FUNDC2: variants seen among roughly 807,000 people sequenced by gnomAD.
FUNDC2 encodes FUN14 domain containing 2.
Under a neutral mutation model 15.6 loss-of-function variants are expected in FUNDC2, and 4 were observed. The observed-to-expected ratio is 0.26, with a 90% CI of 0.13 to 0.59. The LOEUF (loss-of-function observed/expected upper bound fraction) is 0.59, where lower values mean the gene tolerates loss of function less well. FUNDC2 is among the 20% of genes least tolerant of loss of function. The probability of loss-of-function intolerance (pLI) is 0.90; values close to 1 mark genes in which losing one functional copy is unlikely to be tolerated. For missense variants in FUNDC2, 98 were observed against 149.7 expected (o/e 0.65, Z 1.80); for synonymous variants, 44 against 56.9 (o/e 0.77, Z 1.02).
chrX:155,027,924 A>G (rs2073800252), intron 1 of FUNDC2, among the ~76,000 whole-genome samples: 1 of 111,880 alleles, frequency 8.9e-6, no homozygotes, highest in Admixed American at 9.4e-5. Flanking sequence ...AATTGGCTAC[A>G]CTACAAATCA....
chrX:155,057,073 C>G lies in FUNDC2; in HGVS notation c.*2401C>G, dbSNP rs1423247163. 2.0e-5 allele frequency: 2 copies of G among 99,733 alleles called. No homozygotes were observed. The highest frequency in any genetic ancestry group is 5.7e-4 in the East Asian group (2 of 3,489). The allele number at this position is 99,733 out of a possible 1,213,427, so 8.2% of individuals were successfully genotyped here. A position where few individuals can be genotyped will look rare whatever the true frequency, so the allele number is the denominator to read the frequency against. ...TATGAGAACGGCTGTGAGTTCTGCC[C>G]ACGGTGTGAGGCCACTGTGACCACT... On this transcript the variant is annotated 3_prime_UTR_variant, in exon 5 of 5. Coordinates refer to ENST00000369498, the MANE Select transcript of FUNDC2 (RefSeq NM_023934.4).
intron 1 of FUNDC2, 133 bp downstream of exon 1, chrX:155,027,204 C>T: frequency 4.1e-6 from 3 of 724,142 alleles, no homozygotes; most frequent in Non-Finnish European, 5.5e-6. Context: ...ACGGGGAGGG[C>T]GCTCGGGGAT....
In FUNDC2 at chrX:155,056,890, TAGGTTGTAATAAATAG is replaced by T. The variant is rs2073902113; in HGVS notation, c.*2219_*2234del. The T allele has an allele frequency of 9.1e-6, 1 of 110,097 alleles. No homozygotes were observed. Among genetic ancestry groups the T allele is most frequent in the Non-Finnish European group, 1.9e-5 (1 of 52,088 alleles). 9.1% of individuals were successfully genotyped at this position (110,097 alleles called of 1,213,427 possible). ...GCAGGTGGTTGTAAACTACCTTGAG[TAGGTTGTAATAAATAG>T]TCTGGCCTCAGACTGTATTCTGATT... On this transcript the variant is annotated 3_prime_UTR_variant, in exon 5 of 5. Coordinates refer to ENST00000369498, the MANE Select transcript of FUNDC2 (RefSeq NM_023934.4).
intron 4 of FUNDC2, among the ~76,000 whole-genome samples, chrX:155,052,395 A>C (rs1373610415): frequency 8.9e-6 from 1 of 112,482 alleles, no homozygotes; most frequent in Non-Finnish European, 1.9e-5. Flanking sequence ...CCTTTTTAAA[A>C]GGATATTTTT....
At chrX:155,043,535 G>A (rs1294993439) in intron 2 of FUNDC2, among the ~76,000 whole-genome samples, 1 of 111,993 alleles carries the variant, frequency 8.9e-6, no homozygotes, top group East Asian at 2.8e-4. Context: ...GTTCTTGGAT[G>A]CAGTTACTTA....
chrX:155,044,664 T>C (rs2073856993), intron 2 of FUNDC2, among the ~76,000 whole-genome samples: 1 of 112,234 alleles, frequency 8.9e-6, no homozygotes, highest in Non-Finnish European at 1.9e-5. Flanking sequence ...CAATGAGATA[T>C]CAACTGGCAC....
At chrX:155,031,519 A>G (rs2050351661) in intron 1 of FUNDC2, among the ~76,000 whole-genome samples, 1 of 111,340 alleles carries the variant, frequency 9.0e-6, no homozygotes, top group Non-Finnish European at 1.9e-5. Flanking sequence ...TAGTAGAAAC[A>G]GGGTTTCACC....
chrX:155,053,834 C>T, intron 4 of FUNDC2: 1 of 752,701 alleles, frequency 1.3e-6, no homozygotes, highest in Non-Finnish European at 1.6e-6. Flanking sequence ...GGTGATCACA[C>T]TTAGGAGAAA....
chrX:155,040,316 C>T (rs1387883004), intron 2 of FUNDC2, among the ~76,000 whole-genome samples: 1 of 111,725 alleles, frequency 9.0e-6, no homozygotes, highest in Non-Finnish European at 1.9e-5. Context: ...AACTGAGTAC[C>T]CACTGAGCAG....
At chrX:155,029,755 A>C (rs1332465366) in intron 1 of FUNDC2, among the ~76,000 whole-genome samples, 1 of 19,127 alleles carries the variant, frequency 5.2e-5, no homozygotes, top group Non-Finnish European at 7.2e-5. Context: ...CTCTATCTCA[A>C]AAAAAAAAAA....
In FUNDC2 at chrX:155,059,867, C is replaced by T. The variant is rs782649071; in HGVS notation, c.*5195C>T. On this transcript the variant is annotated 3_prime_UTR_variant, in exon 5 of 5. Coordinates refer to ENST00000369498, the MANE Select transcript of FUNDC2 (RefSeq NM_023934.4). ...TCATGATAGTGAGTTCTCATGAGATCTGGCACTTCACCCCTCACTCTCTCT... is the reference window on the plus strand; with the variant it reads ...TCATGATAGTGAGTTCTCATGAGATTTGGCACTTCACCCCTCACTCTCTCT... 9.0e-6 allele frequency: 1 copy of T among 111,386 alleles called. No homozygotes were observed. The highest frequency in any genetic ancestry group is 1.9e-5 in the Non-Finnish European group (1 of 53,064). 9.2% of individuals were successfully genotyped at this position (111,386 alleles called of 1,213,427 possible).
intron 2 of FUNDC2, among the ~76,000 whole-genome samples, chrX:155,046,013 C>A (rs1366064246): frequency 9.0e-6 from 1 of 110,960 alleles, no homozygotes; most frequent in Non-Finnish European, 1.9e-5. Context: ...TTCCTCTATT[C>A]CTCTTCCTTG....
chrX:155,039,248 TA>T (rs1377228337), intron 2 of FUNDC2, among the ~76,000 whole-genome samples: 2 of 112,669 alleles, frequency 1.8e-5, no homozygotes, highest in Non-Finnish European at 3.8e-5. Context: ...GTATATCTTT[TA>T]TATTAATCTC....
intron 4 of FUNDC2, 49 bp downstream of exon 4, chrX:155,051,850 A>G: frequency 1.7e-6 from 2 of 1,158,645 alleles, no homozygotes; most frequent in Non-Finnish European, 2.3e-6. Flanking sequence ...GCAGACAAAA[A>G]CAGGGCTTAA....
chrX:155,049,836 T>G (rs1443251826), intron 3 of FUNDC2: 2 of 112,697 alleles, frequency 1.8e-5, no homozygotes, highest in African/African-American at 6.5e-5. Flanking sequence ...ATTTAATTAT[T>G]TTTTGCACCC....
At chrX:155,041,986 G>A (rs111923416) in intron 2 of FUNDC2, among the ~76,000 whole-genome samples, 1 of 103,098 alleles carries the variant, frequency 9.7e-6, no homozygotes, top group African/African-American at 3.6e-5. Context: ...GGAGGATGGC[G>A]TGAACCCGGG....
At chrX:155,036,754 T>C (rs1261362449) in intron 2 of FUNDC2, among the ~76,000 whole-genome samples, 1 of 111,453 alleles carries the variant, frequency 9.0e-6, no homozygotes, top group Non-Finnish European at 1.9e-5. Context: ...CTCCACTGAA[T>C]TGTCTTTACA....
chrX:155,030,062 CTTTT>C (rs371555663), intron 1 of FUNDC2, among the ~76,000 whole-genome samples: 8 of 111,261 alleles, frequency 7.2e-5, no homozygotes, highest in African/African-American at 2.6e-4. Context: ...ATTCAAATGA[CTTTT>C]TAATATTGGT....
rs929054424 is a variant in FUNDC2, at chrX:155,054,830, A to G, written c.*158A>G. On this transcript the variant is annotated 3_prime_UTR_variant, in exon 5 of 5. Transcript: ENST00000369498. ...TCTAAGCATCTGCTGGTACAAGTCA[A>G]TGTGGCACCATGAGCTTCATGGTGG... is the stretch of plus-strand genomic sequence containing the variant. 8.4e-6 allele frequency: 4 copies of G among 474,188 alleles called. No homozygotes were observed. The highest frequency in any genetic ancestry group is 3.2e-5 in the South Asian group (1 of 30,881). The allele number at this position is 474,188 out of a possible 1,213,427, so 39.1% of individuals were successfully genotyped here.
Sources: allele counts gnomAD v4.1 joint callset (sites outside exome capture counted in the v4.1 genomes callset), GRCh38; gene constraint gnomAD v4.1.1; transcripts MANE v1.5; gene names NCBI Gene and HGNC (gene_info 2026-07-23, HGNC 2026-07-21).